RXRB: variants seen among roughly 807,000 people sequenced by gnomAD.
RXRB encodes retinoic acid receptor RXR-beta.
Under a neutral mutation model 52.5 loss-of-function variants are expected in RXRB, and 18 were observed. That is an observed-to-expected ratio of 0.34 (90% confidence interval 0.24 to 0.51). The LOEUF is 0.51. Ranked by LOEUF, RXRB falls within the 20% of genes least tolerant of loss-of-function variation. RXRB has a pLI of 0.97. For missense variants in RXRB, 455 were observed against 698.2 expected (o/e 0.65, Z 3.92); for synonymous variants, 233 against 267.1 (o/e 0.87, Z 1.25).
rs1334729666 is a variant in RXRB at position 33,197,016 on chromosome 6, G to A, written c.821-410C>T. ...CATTTATTCTCATTTTTAAGATGAA[G>A]AACTCGGGGTTCAAAGAGATTAGTT... On this transcript the variant is annotated intron_variant, in intron 4 of 9. Coordinates refer to ENST00000374680, the MANE Select transcript of RXRB (RefSeq NM_021976.5). The surrounding 1 kb of genome is among the most constrained non-coding windows in gnomAD (Gnocchi z 4.4). 6.6e-6 allele frequency among the ~76,000 whole-genome samples: 1 copy of A among 152,156 alleles called. No homozygotes were observed. The highest frequency in any genetic ancestry group is 2.4e-5 in the African/African-American group (1 of 41,428).
Position 33,200,426 on chromosome 6 carries a change from C to A in RXRB, c.51G>T (p.Gly17=). ...PPFLPQRHAA[G]QCGPVGVRKE... The stretch of plus-strand genomic sequence containing the variant: ...TTCGCACCCCCACCGGCCCACACTG[C>A]CCTGCGGCATGCCGCTGAGGGAGGA... The change falls in exon 1 of 10, where the codon GGG becomes GGT. Residue 17 remains glycine, a synonymous_variant. Coordinates refer to ENST00000374680, the MANE Select transcript of RXRB (RefSeq NM_021976.5). This position sits in a 1 kb window ranked among gnomAD's most constrained non-coding sequence, Gnocchi z 6.3. The A allele has an allele frequency of 6.3e-7, 1 of 1,585,750 alleles. No homozygotes were observed. The highest frequency in any genetic ancestry group is 8.6e-7 in the Non-Finnish European group (1 of 1,168,024).
intron 1 of RXRB, chr6:33,199,856 G>A (rs958537273): frequency 4.4e-5 from 27 of 607,014 alleles, no homozygotes; most frequent in African/African-American, 4.0e-4. Context: ...AGCACGTGGG[G>A]TAGACCATCG....
Position 33,196,863 on chromosome 6 carries a change from A to T in RXRB, c.821-257T>A, listed in dbSNP as rs1412771181. Among the ~76,000 whole-genome samples the T allele has an allele frequency of 6.6e-6, 1 of 152,010 alleles. No homozygotes were observed. The highest frequency in any genetic ancestry group is 6.6e-5 in the Admixed American group (1 of 15,264). On this transcript the variant is annotated intron_variant, in intron 4 of 9. Coordinates refer to ENST00000374680, the MANE Select transcript of RXRB (RefSeq NM_021976.5). This position sits in a 1 kb window ranked among gnomAD's most constrained non-coding sequence, Gnocchi z 4.0. Reference sequence around the variant, plus strand: ...TAAATGGAGAGCCTACTACATGGTTAAAAAAAACATGCCAAGATTCAACCT... The same window carrying T: ...TAAATGGAGAGCCTACTACATGGTTTAAAAAAACATGCCAAGATTCAACCT...
chr6:33,198,657 T>A, intron 2 of RXRB, 193 bp from the exon 3 acceptor site: 1 of 706,634 alleles, frequency 1.4e-6, no homozygotes, highest in Non-Finnish European at 2.6e-6. Context: ...AGGCCCCCCC[T>A]GAAATTGTGC....
chr6:33,200,805 C>T (rs1257527684), upstream of RXRB: 8 of 1,523,052 alleles, frequency 5.3e-6, no homozygotes, highest in Non-Finnish European at 7.1e-6. This position sits in a 1 kb window ranked among gnomAD's most constrained non-coding sequence, Gnocchi z 6.3. Flanking sequence ...AGGATGGATT[C>T]GTCGCTACCG....
At position 33,194,853 on chromosome 6, in the gene RXRB, GA is replaced by G. The variant is rs959704176; in HGVS notation, c.1455-25del. 4.1e-5 allele frequency: 66 copies of G among 1,612,440 alleles called. No homozygotes were observed. Among genetic ancestry groups the G allele is most frequent in the Non-Finnish European group, 5.3e-5 (63 of 1,179,782 alleles). On this transcript the variant is annotated intron_variant, in intron 9 of 9. Transcript: ENST00000374680. The surrounding 1 kb of genome is among the most constrained non-coding windows in gnomAD (Gnocchi z 4.1). ...ACCTGGGGTGGAGGTGGGAGAAGGG[GA>G]TTGAGAGCTGGAAGCACACGGGCCC...
upstream of RXRB, chr6:33,200,777 G>A: frequency 6.5e-7 from 1 of 1,534,126 alleles, no homozygotes; most frequent in East Asian, 2.5e-5. The surrounding 1 kb of genome is among the most constrained non-coding windows in gnomAD (Gnocchi z 6.3). Flanking sequence ...CTCCACACTC[G>A]CGCATGCGTG....
chr6:33,198,131 CT>C (rs1774063721), intron 3 of RXRB, among the ~76,000 whole-genome samples, 176 bp downstream of exon 3: 1 of 152,224 alleles, frequency 6.6e-6, no homozygotes, highest in Admixed American at 6.5e-5. Flanking sequence ...ACGCTGCTTC[CT>C]TTTCCCTCTG....
rs1583426644 is a variant in RXRB at position 33,200,374 on chromosome 6, G to C, written c.103C>G (p.Arg35Gly). The C allele has an allele frequency of 1.3e-6, 2 of 1,563,284 alleles. No homozygotes were observed. The highest frequency in any genetic ancestry group is 1.4e-5 in the African/African-American group (1 of 73,826). The change falls in exon 1 of 10, where the codon CGG (arginine) becomes GGG (glycine). Residue 35 changes from arginine (R) to glycine (G), a missense_variant. Arg to Gly is a moderately radical substitution (Grantham distance 125, BLOSUM62 -2). Coordinates refer to ENST00000374680, the MANE Select transcript of RXRB (RefSeq NM_021976.5). The surrounding 1 kb of genome is among the most constrained non-coding windows in gnomAD (Gnocchi z 6.3). ...RKEMHCGVAS[R>G]WRRRRPWLDP... The stretch of plus-strand genomic sequence containing the variant: ...AGCCAGGGCCGTCGCCGCCGCCACC[G>C]GGACGCGACCCCACAATGCATTTCT...
chr6:33,200,031 G>T lies in RXRB; in HGVS notation c.235+211C>A. On this transcript the variant is annotated intron_variant, in intron 1 of 9. Coordinates refer to ENST00000374680, the MANE Select transcript of RXRB (RefSeq NM_021976.5). The surrounding 1 kb of genome is among the most constrained non-coding windows in gnomAD (Gnocchi z 6.3). The stretch of plus-strand genomic sequence containing the variant: ...CAGGCCCGCGACCTCCGGTGCCCAA[G>T]GCCTCAAGCGGTCACAGCTAGGAGG... The T allele has an allele frequency of 1.2e-6, 1 of 811,458 alleles. No individual in the cohort carries two copies. Among genetic ancestry groups the T allele is most frequent in the Non-Finnish European group, 2.2e-6 (1 of 461,058 alleles). The allele number at this position is 811,458 out of a possible 1,614,324, so 50.3% of individuals were successfully genotyped here.
intron 2 of RXRB, 178 bp from the exon 3 acceptor site, chr6:33,198,642 T>A: frequency 1.4e-6 from 1 of 718,392 alleles, no homozygotes; most frequent in East Asian, 2.7e-5. Context: ...CCAAAGTGAA[T>A]AAACAGGCCC....
upstream of RXRB, chr6:33,200,711 G>C: frequency 6.5e-7 from 1 of 1,546,546 alleles, no homozygotes; most frequent in Admixed American, 2.0e-5. This position sits in a 1 kb window ranked among gnomAD's most constrained non-coding sequence, Gnocchi z 6.3. Flanking sequence ...TGGAAACCGA[G>C]GAGGCGGTCT....
In RXRB at chr6:33,196,614, G is replaced by A; in HGVS notation, c.821-8C>T. On this transcript the variant is annotated splice_polypyrimidine_tract_variant and splice_region_variant and intron_variant, in intron 4 of 9. Transcript: ENST00000374680. This position sits in a 1 kb window ranked among gnomAD's most constrained non-coding sequence, Gnocchi z 4.0. ...GACGCTCCTCCTGTACCGCTGCAGGGGGAAGGGGGAGAGAAAAAATGGAAA... is the reference window on the plus strand; with the variant it reads ...GACGCTCCTCCTGTACCGCTGCAGGAGGAAGGGGGAGAGAAAAAATGGAAA... The A allele has an allele frequency of 1.3e-6, 2 of 1,579,728 alleles. No individual in the cohort carries two copies. The highest frequency in any genetic ancestry group is 1.7e-4 in the Middle Eastern group (1 of 5,896).
chr6:33,195,483 G>C lies in RXRB; in HGVS notation c.1257-29C>G. ...GAGAGGGACCTGCAGGTCACTCAAAGGTCACAGCTCAGCCAGCCTTGGACA... is the reference window on the plus strand; with the variant it reads ...GAGAGGGACCTGCAGGTCACTCAAACGTCACAGCTCAGCCAGCCTTGGACA... On this transcript the variant is annotated intron_variant, in intron 7 of 9. Transcript: ENST00000374680. The surrounding 1 kb of genome is among the most constrained non-coding windows in gnomAD (Gnocchi z 8.6). The C allele has an allele frequency of 6.2e-7, 1 of 1,612,178 alleles. No homozygotes were observed. The highest frequency in any genetic ancestry group is 8.5e-7 in the Non-Finnish European group (1 of 1,179,214).
At chr6:33,199,867 A>G in intron 1 of RXRB, 1 of 620,850 alleles carries the variant, frequency 1.6e-6, no homozygotes, top group East Asian at 3.5e-5. Context: ...TAGACCATCG[A>G]GCCCCTCTAT....
At position 33,196,823 on chromosome 6, in the gene RXRB, A is replaced by G. The variant is rs1338822932; in HGVS notation, c.821-217T>C. Among the ~76,000 whole-genome samples the G allele has an allele frequency of 1.3e-5, 2 of 152,144 alleles. No homozygotes were observed. Among genetic ancestry groups the G allele is most frequent in the African/African-American group, 4.8e-5 (2 of 41,422 alleles). ...TCGGGAAGGGTGAGGTAGGTAAAAG[A>G]ATTAGGGAGGAATTTAAATGGAGAG... is the stretch of plus-strand genomic sequence containing the variant. On this transcript the variant is annotated intron_variant, in intron 4 of 9. Coordinates refer to ENST00000374680, the MANE Select transcript of RXRB (RefSeq NM_021976.5). This position sits in a 1 kb window ranked among gnomAD's most constrained non-coding sequence, Gnocchi z 4.0.
Position 33,200,316 on chromosome 6 carries a change from G to GCCA in RXRB, c.158_160dup (p.Val53dup). 2.5e-6 allele frequency: 4 copies of GCCA among 1,592,518 alleles called. No individual in the cohort carries two copies. Among genetic ancestry groups the GCCA allele is most frequent in the Non-Finnish European group, 3.4e-6 (4 of 1,173,382 alleles). On this transcript the variant is annotated inframe_insertion, in exon 1 of 10. Transcript: ENST00000374680. This position sits in a 1 kb window ranked among gnomAD's most constrained non-coding sequence, Gnocchi z 6.3. ...CTCCGGGGTTTGTTGTTCTCCGCCT[G>GCCA]CCACCGCCGCCGCCGCCGCCGCTGC...
chr6:33,200,748 C>T, upstream of RXRB: 2 of 1,543,906 alleles, frequency 1.3e-6, no homozygotes, highest in Non-Finnish European at 8.7e-7. This position sits in a 1 kb window ranked among gnomAD's most constrained non-coding sequence, Gnocchi z 6.3. Flanking sequence ...CCGCCTCGCC[C>T]ACCCTCCCCT....
chr6:33,195,786 T>C lies in RXRB; in HGVS notation c.1124-84A>G. The C allele has an allele frequency of 1.3e-6, 2 of 1,596,202 alleles. No individual in the cohort carries two copies. Among genetic ancestry groups the C allele is most frequent in the Admixed American group, 1.7e-5 (1 of 59,162 alleles). ...CAGTGGAAGAGAAGGAGAAAAGAGG[T>C]GGCGAGGTCAGCAAGTTTGGCTCCC... is the stretch of plus-strand genomic sequence containing the variant. On this transcript the variant is annotated intron_variant, in intron 6 of 9. Transcript: ENST00000374680. This position sits in a 1 kb window ranked among gnomAD's most constrained non-coding sequence, Gnocchi z 8.6.
Sources: gnomAD v4.1 joint callset for allele counts (sites outside exome capture counted in the v4.1 genomes callset) on GRCh38, gnomAD v4.1.1 for gene constraint, Gnocchi (gnomAD v3.1) non-coding constraint, MANE v1.5 for transcripts, NCBI Gene and HGNC (gene_info 2026-07-23, HGNC 2026-07-21) for gene names.